Variants in HEG1 observed in about 807,000 individuals in gnomAD.
HEG1 encodes protein HEG homolog 1.
A neutral mutation model predicts 125.6 loss-of-function variants in HEG1; 56 were observed. The observed-to-expected ratio is 0.45, with a 90% CI of 0.36 to 0.56. The LOEUF is 0.56. Ranked by LOEUF, HEG1 falls within the 20% of genes least tolerant of loss-of-function variation. HEG1 has a pLI of 0.00. For missense variants in HEG1, 1,523 were observed against 1,670.0 expected, an observed-to-expected ratio of 0.91 and a Z score of 1.53; for synonymous variants, 644 against 668.5, an observed-to-expected ratio of 0.96 and a Z score of 0.57.
At chr3:125,017,618 C>T (rs2107702694) in intron 5 of HEG1, among the ~76,000 whole-genome samples, 1 of 152,292 alleles carries the variant, frequency 6.6e-6, no homozygotes, top group South Asian at 2.1e-4. Flanking sequence ...TTGTACACAG[C>T]TGGTGGGAAT....
intron 1 of HEG1, among the ~76,000 whole-genome samples, chr3:125,032,528 C>T (rs1221638852): frequency 1.3e-5 from 2 of 152,180 alleles, no homozygotes; most frequent in Admixed American, 1.3e-4. Flanking sequence ...CCAGGGGCAG[C>T]CACAAGGCCT....
chr3:125,047,873 G>A (rs944026943), intron 1 of HEG1, among the ~76,000 whole-genome samples: 1 of 151,924 alleles, frequency 6.6e-6, no homozygotes, highest in African/African-American at 2.4e-5. Flanking sequence ...GCCACCTGAA[G>A]AGCTTCACCT....
chr3:125,013,544 G>A lies in HEG1; in HGVS notation c.2035C>T (p.Pro679Ser). Residue 679 changes from proline (P) to serine (S), a missense_variant, in exon 6 of 17, where the codon CCC (proline) becomes TCC (serine). Pro to Ser is a moderately conservative substitution (Grantham distance 74, BLOSUM62 -1). Coordinates refer to ENST00000311127, the MANE Select transcript of HEG1 (RefSeq NM_020733.2). ...SSSSGPPLPL[P>S]SVSQSHHLFS... is the part of the protein sequence containing the mutation. ...AAATGGTGGGATTGTGACACAGAGG[G>A]CAGAGGCAAAGGAGGCCCTGAAGAA... 1 of 1,599,792 alleles carries A rather than the reference G, an allele frequency of 6.3e-7. No individual in the cohort carries two copies. Among genetic ancestry groups the A allele is most frequent in the South Asian group, 1.1e-5 (1 of 89,740 alleles).
intron 2 of HEG1, among the ~76,000 whole-genome samples, chr3:125,028,831 C>T (rs1448696883): frequency 6.6e-6 from 1 of 152,170 alleles, no homozygotes. Context: ...CACACCAGGG[C>T]AAGAACAACC....
chr3:125,018,599 G>A (rs568804552), intron 5 of HEG1, among the ~76,000 whole-genome samples: 9 of 152,234 alleles, frequency 5.9e-5, no homozygotes, highest in South Asian at 2.1e-4. Context: ...AACTACTAAC[G>A]AGAAGGTGAT....
At chr3:125,042,648 G>A (rs1477679519) in intron 1 of HEG1, among the ~76,000 whole-genome samples, 1 of 152,168 alleles carries the variant, frequency 6.6e-6, no homozygotes, top group Non-Finnish European at 1.5e-5. Context: ...AAGGGGCAAG[G>A]TTAGGATTAG....
chr3:125,031,042 G>C (rs1462399870), intron 1 of HEG1, among the ~76,000 whole-genome samples: 5 of 152,136 alleles, frequency 3.3e-5, no homozygotes, highest in African/African-American at 1.2e-4. Flanking sequence ...TGGCAAAGAG[G>C]GTATTAGTTA....
intron 1 of HEG1, among the ~76,000 whole-genome samples, chr3:125,055,164 GA>G (rs1937903123): frequency 6.6e-6 from 1 of 152,176 alleles, no homozygotes; most frequent in Non-Finnish European, 1.5e-5. Context: ...CAGTTATTTA[GA>G]TGAGAAAGTC....
At chr3:125,017,185 G>A (rs1367020457) in intron 5 of HEG1, among the ~76,000 whole-genome samples, 2 of 152,042 alleles carry the variant, frequency 1.3e-5, no homozygotes, top group African/African-American at 4.8e-5. Context: ...CTCCCAAGTA[G>A]CTGAGATTAC....
chr3:125,049,288 T>A lies in HEG1; in HGVS notation c.316+6287A>T, dbSNP rs146866682. Among the ~76,000 whole-genome samples the A allele has an allele frequency of 2.6e-5, 4 of 152,284 alleles. No individual in the cohort carries two copies. The East Asian group carries it at 7.7e-4, about 29-fold the overall frequency. ...ATGGACCTTCACAGACCTCCACATATGATGCATAAACCATGCTATATTCAG... is the reference window on the plus strand; with the variant it reads ...ATGGACCTTCACAGACCTCCACATAAGATGCATAAACCATGCTATATTCAG... On this transcript the variant is annotated intron_variant, in intron 1 of 16. Transcript: ENST00000311127.
intron 8 of HEG1, among the ~76,000 whole-genome samples, chr3:125,006,008 T>C (rs1332892068): frequency 1.3e-5 from 2 of 152,122 alleles, no homozygotes; most frequent in African/African-American, 4.8e-5. Flanking sequence ...TCACCCAGGC[T>C]CCCAAGGGCC....
chr3:125,016,438 C>T (rs114180719), intron 5 of HEG1, among the ~76,000 whole-genome samples: 1,588 of 152,232 alleles, frequency 0.01, 21 homozygotes, highest in African/African-American at 0.035. Context: ...ACCAACTGAG[C>T]ATTAATTGCA....
chr3:125,027,512 A>G lies in HEG1; in HGVS notation c.611-5T>C, dbSNP rs375017903. On this transcript the variant is annotated splice_region_variant and splice_polypyrimidine_tract_variant and intron_variant, in intron 2 of 16. Coordinates refer to ENST00000311127, the MANE Select transcript of HEG1 (RefSeq NM_020733.2). ...GCAGGTGAAGACTTTCTGAGGCTGAAAACAGACAAAAACAATTAGAATTCC... is the reference window on the plus strand; with the variant it reads ...GCAGGTGAAGACTTTCTGAGGCTGAGAACAGACAAAAACAATTAGAATTCC... The G allele has an allele frequency of 3.8e-6, 6 of 1,575,886 alleles. No homozygotes were observed. In the African/African-American group the frequency reaches 8.2e-5, roughly 21 times the overall value.
At chr3:125,036,920 T>C (rs1382064567) in intron 1 of HEG1, among the ~76,000 whole-genome samples, 1 of 152,260 alleles carries the variant, frequency 6.6e-6, no homozygotes, top group African/African-American at 2.4e-5. Context: ...AAAATAGGCA[T>C]ATATTTTGGC....
chr3:124,974,753 A>T (rs1423324361), intron 15 of HEG1, among the ~76,000 whole-genome samples: 2 of 152,174 alleles, frequency 1.3e-5, no homozygotes, highest in Admixed American at 1.3e-4. Context: ...CCTCACTTAA[A>T]GTACAAATAA....
At position 125,044,464 on chromosome 3, in the gene HEG1, G is replaced by C. The variant is rs115038042; in HGVS notation, c.316+11111C>G. The stretch of plus-strand genomic sequence containing the variant: ...ATTATTGTTATATTGCAGCCAAAAC[G>C]TAGGTAGCATCCACTCCATGCCAGC... On this transcript the variant is annotated intron_variant, in intron 1 of 16. Transcript: ENST00000311127. 6.4e-4 allele frequency among the ~76,000 whole-genome samples: 98 copies of C among 152,254 alleles called. 1 individual carries two copies. The highest frequency in any genetic ancestry group is 1.0e-3 in the Non-Finnish European group (69 of 68,024).
At position 125,051,774 on chromosome 3, in the gene HEG1, G is replaced by A. The variant is rs569382999; in HGVS notation, c.316+3801C>T. Among the ~76,000 whole-genome samples the A allele has an allele frequency of 3.0e-4, 46 of 152,326 alleles. No individual in the cohort carries two copies. In the South Asian group the frequency reaches 8.9e-3, roughly 30 times the overall value. Reference sequence around the variant, plus strand: ...AAGCCACTGAAGAAGGCAGTAAGTGGCTAACAAAACCACAACTGCCATCTG... The same window carrying A: ...AAGCCACTGAAGAAGGCAGTAAGTGACTAACAAAACCACAACTGCCATCTG... On this transcript the variant is annotated intron_variant, in intron 1 of 16. Coordinates refer to ENST00000311127, the MANE Select transcript of HEG1 (RefSeq NM_020733.2).
At position 125,013,855 on chromosome 3, in the gene HEG1, C is replaced by T; in HGVS notation, c.1724G>A (p.Ser575Asn). 6.2e-7 allele frequency: 1 copy of T among 1,613,930 alleles called. No homozygotes were observed. The highest frequency in any genetic ancestry group is 8.5e-7 in the Non-Finnish European group (1 of 1,179,874). ...GCTCTCCACAATGTCTGAGGATGAA[C>T]TGTTATCTGTAATGGACAGTAACGC... is the stretch of plus-strand genomic sequence containing the variant. ...ERALLSITDN[S>N]SSSDIVESST... The change falls in exon 6 of 17, where the codon AGT (serine) becomes AAT (asparagine). Residue 575 changes from serine (S) to asparagine (N), a missense_variant. Transcript: ENST00000311127.
At chr3:125,001,322 G>A (rs1196986145) in intron 11 of HEG1, among the ~76,000 whole-genome samples, 1 of 151,784 alleles carries the variant, frequency 6.6e-6, no homozygotes, top group African/African-American at 2.4e-5. Context: ...GTCTCACTCT[G>A]TGGCCCAGGC....
Sources: gnomAD v4.1 joint callset for allele counts (sites outside exome capture counted in the v4.1 genomes callset) on GRCh38, gnomAD v4.1.1 for gene constraint, MANE v1.5 for transcripts, NCBI Gene and HGNC (gene_info 2026-07-23, HGNC 2026-07-21) for gene names.